Variants in CDH18 observed in about 807,000 individuals in gnomAD.
CDH18 encodes cadherin-18.
In CDH18, 31 loss-of-function variants were observed where a neutral mutation model predicts 67.9. The ratio of observed to expected loss-of-function variants is 0.46; its 90% CI spans 0.34 to 0.62. CDH18 has a LOEUF of 0.62. Among genes scored for constraint, CDH18 ranks in the 20% least tolerant of loss-of-function variants. The pLI is 0.01. For missense variants in CDH18, 890 were observed against 975.5 expected (o/e 0.91, Z 1.17); for synonymous variants, 362 against 347.2 (o/e 1.04, Z -0.48).
intron 1 of CDH18, among the ~76,000 whole-genome samples, chr5:20,423,720 C>T (rs1748040675): frequency 6.6e-6 from 1 of 150,416 alleles, no homozygotes; most frequent in African/African-American, 2.5e-5. Flanking sequence ...CCAAGACGGG[C>T]AGATCACGAG....
At chr5:20,343,605 A>G (rs1740449317) in intron 1 of CDH18, among the ~76,000 whole-genome samples, 1 of 152,122 alleles carries the variant, frequency 6.6e-6, no homozygotes, top group Non-Finnish European at 1.5e-5. Flanking sequence ...CAGGATATAC[A>G]ATGGTCACCC....
intron 2 of CDH18, among the ~76,000 whole-genome samples, chr5:20,171,568 G>GT (rs1214339881): frequency 3.3e-5 from 5 of 151,304 alleles, no homozygotes; most frequent in African/African-American, 9.7e-5. Context: ...TAGGTTGTTT[G>GT]TTTTTTTCTT....
intron 1 of CDH18, among the ~76,000 whole-genome samples, chr5:19,982,533 TAAAG>T (rs1799162560): frequency 1.3e-5 from 2 of 152,174 alleles, no homozygotes; most frequent in African/African-American, 2.4e-5. Flanking sequence ...TTTAACTTAT[TAAAG>T]AGTTTCTTCA....
At chr5:19,595,235 C>T (rs1267292607) in intron 6 of CDH18, among the ~76,000 whole-genome samples, 2 of 151,872 alleles carry the variant, frequency 1.3e-5, no homozygotes, top group Non-Finnish European at 2.9e-5. Flanking sequence ...AAGTGAAAGT[C>T]TCATGCACTG....
At chr5:20,530,345 T>C (rs1031404219) in intron 1 of CDH18, among the ~76,000 whole-genome samples, 13 of 151,810 alleles carry the variant, frequency 8.6e-5, no homozygotes, top group African/African-American at 2.9e-4. Flanking sequence ...TCCCATTAAA[T>C]TGTCATTGAT....
At chr5:20,241,890 A>G (rs376540272) in intron 2 of CDH18, among the ~76,000 whole-genome samples, 22 of 69,928 alleles carry the variant, frequency 3.1e-4, no homozygotes, top group African/African-American at 1.1e-3. Context: ...ATATATATAT[A>G]TGTATATATA....
intron 1 of CDH18, among the ~76,000 whole-genome samples, chr5:20,499,277 C>A (rs1412255772): frequency 6.6e-6 from 1 of 152,038 alleles, no homozygotes; most frequent in Non-Finnish European, 1.5e-5. Context: ...TATTTTAAAT[C>A]ATCTCTCTAT....
At chr5:20,453,253 T>G (rs917943649) in intron 1 of CDH18, among the ~76,000 whole-genome samples, 2 of 152,178 alleles carry the variant, frequency 1.3e-5, no homozygotes, top group Non-Finnish European at 2.9e-5. Context: ...CACTTACACC[T>G]TGTCCTAACT....
chr5:20,198,640 A>G (rs1391442205), intron 2 of CDH18, among the ~76,000 whole-genome samples: 3 of 152,222 alleles, frequency 2.0e-5, no homozygotes, highest in Admixed American at 2.0e-4. Context: ...AGAAATTTGC[A>G]TAAATAACAA....
intron 2 of CDH18, among the ~76,000 whole-genome samples, chr5:19,976,424 G>C (rs1798509703): frequency 6.6e-6 from 1 of 151,920 alleles, no homozygotes; most frequent in African/African-American, 2.4e-5. Flanking sequence ...GTACAGAGTG[G>C]ACACAGTAGT....
intron 5 of CDH18, among the ~76,000 whole-genome samples, chr5:19,687,051 G>A (rs1651176093): frequency 6.6e-6 from 1 of 152,150 alleles, no homozygotes; most frequent in Admixed American, 6.5e-5. Flanking sequence ...GGAAGCACCT[G>A]AGACACTGAA....
chr5:19,497,889 A>T (rs1742610302), intron 11 of CDH18, among the ~76,000 whole-genome samples: 2 of 152,210 alleles, frequency 1.3e-5, no homozygotes, highest in South Asian at 4.1e-4. Context: ...GTACCTACTT[A>T]CATGCTAGTC....
chr5:19,928,739 T>C (rs1793363463), intron 2 of CDH18, among the ~76,000 whole-genome samples: 2 of 151,986 alleles, frequency 1.3e-5, no homozygotes, highest in South Asian at 4.1e-4. Context: ...CTGCCGCAAA[T>C]CATCAGCTGA....
In CDH18 at chr5:20,269,013, C is replaced by T. The variant is rs188824298; in HGVS notation, c.-579-13508G>A. ...TAATATCCACAATATAGAAGTAACA[C>T]AAATGACTGAACACCAACAACAGCA... On this transcript the variant is annotated intron_variant, in intron 1 of 14. Coordinates refer to the CDH18 transcript ENST00000507958. 5.8e-4 allele frequency among the ~76,000 whole-genome samples: 88 copies of T among 152,152 alleles called. 2 individuals carry two copies. In the East Asian group the frequency reaches 8.5e-3, roughly 15 times the overall value.
intron 2 of CDH18, among the ~76,000 whole-genome samples, chr5:19,862,754 C>T (rs1785037903): frequency 6.6e-6 from 1 of 152,226 alleles, no homozygotes; most frequent in African/African-American, 2.4e-5. Flanking sequence ...GAATTTGCTA[C>T]TAACCACAGG....
intron 2 of CDH18, among the ~76,000 whole-genome samples, chr5:20,254,339 T>C (rs1183878422): frequency 1.3e-5 from 2 of 152,178 alleles, no homozygotes; most frequent in Non-Finnish European, 2.9e-5. Flanking sequence ...CTTGAACTCC[T>C]GACCTCAGGT....
At chr5:20,149,577 G>T (rs938026251) in intron 2 of CDH18, among the ~76,000 whole-genome samples, 2 of 152,070 alleles carry the variant, frequency 1.3e-5, no homozygotes, top group African/African-American at 4.8e-5. Flanking sequence ...CAAAGCAAGG[G>T]TTTCCTACTG....
rs748863168 is a variant in CDH18 at position 19,760,868 on chromosome 5, C to T, written c.229-13632G>A. ...CCATCACTGTTGCCGTTGCCTCAGG[C>T]AGCACAGAGTTTATGTTCTCAGCCA... On this transcript the variant is annotated intron_variant, in intron 3 of 12. Coordinates refer to ENST00000382275, the MANE Select transcript of CDH18 (RefSeq NM_004934.5). Among the ~76,000 whole-genome samples the T allele has an allele frequency of 7.8e-4, 119 of 152,148 alleles. 2 individuals are homozygous for T. The highest frequency in any genetic ancestry group is 2.6e-4 in the Admixed American group (4 of 15,270).
At chr5:20,208,941 T>A (rs1740131663) in intron 2 of CDH18, among the ~76,000 whole-genome samples, 1 of 151,856 alleles carries the variant, frequency 6.6e-6, no homozygotes, top group African/African-American at 2.4e-5. Context: ...GGGCAAAAGC[T>A]CTGAATAGAT....
Sources: gnomAD v4.1 joint callset for allele counts (sites outside exome capture counted in the v4.1 genomes callset) on GRCh38, gnomAD v4.1.1 for gene constraint, MANE v1.5 for transcripts, NCBI Gene and HGNC (gene_info 2026-07-23, HGNC 2026-07-21) for gene names.